The following RYR2 variants were observed in gnomAD, a reference collection of about 807,000 sequenced individuals.
The protein encoded by RYR2 is cardiac muscle ryanodine receptor-calcium release channel.
A neutral mutation model predicts 601.1 loss-of-function variants in RYR2; 227 were observed. The observed-to-expected ratio is 0.38, with a 90% CI of 0.34 to 0.42. The LOEUF is 0.42. Ranked by LOEUF, RYR2 falls within the 10% of genes least tolerant of loss-of-function variation. RYR2 has a pLI of 1.00. For synonymous variants in RYR2, 2,223 were observed against 2,175.1 expected (o/e 1.02, Z -0.61); for missense variants, 4,646 against 6,156.5 (o/e 0.75, Z 8.21).
chr1:237,258,495 G>C (rs1688215437), intron 1 of RYR2, among the ~76,000 whole-genome samples: 1 of 152,136 alleles, frequency 6.6e-6, no homozygotes, highest in Admixed American at 6.6e-5. Flanking sequence ...AACTATGGGG[G>C]ATGGCAAAAT....
At chr1:237,562,214 T>A (rs965275430) in intron 27 of RYR2, among the ~76,000 whole-genome samples, 1 of 152,226 alleles carries the variant, frequency 6.6e-6, no homozygotes, top group Non-Finnish European at 1.5e-5. Context: ...TTATTCTTAT[T>A]TACTACAAGG....
chr1:237,293,821 C>G (rs1692482997), intron 2 of RYR2, among the ~76,000 whole-genome samples: 2 of 152,102 alleles, frequency 1.3e-5, no homozygotes, highest in South Asian at 4.1e-4. Context: ...TGACTCTTAT[C>G]TTTTTGGGTT....
intron 63 of RYR2, among the ~76,000 whole-genome samples, chr1:237,689,472 T>C (rs1686747959): frequency 6.6e-6 from 1 of 152,192 alleles, no homozygotes. Context: ...AAATTCCATT[T>C]TTGTTGAATA....
rs1558206294 is a variant in RYR2, at chr1:237,680,434, GTCT to G, written c.8896-17_8896-15del. 1.2e-6 allele frequency: 2 copies of G among 1,604,232 alleles called. No individual in the cohort carries two copies. The highest frequency in any genetic ancestry group is 1.7e-5 in the Admixed American group (1 of 59,812). On this transcript the variant is annotated intron_variant, in intron 61 of 104. Transcript: ENST00000366574. ...CTGAAAGATTCCACTACGTAGATCT[GTCT>G]TCTTTTCCTTTCTTTCAGGTCGTTC...
At chr1:237,628,799 A>T (rs1424144376) in intron 41 of RYR2, among the ~76,000 whole-genome samples, 6 of 152,130 alleles carry the variant, frequency 3.9e-5, no homozygotes, top group Non-Finnish European at 5.9e-5. Context: ...TTAAAAAAAT[A>T]AAAAAACACA....
intron 4 of RYR2, among the ~76,000 whole-genome samples, chr1:237,358,477 G>C (rs879511898): frequency 7.9e-5 from 12 of 151,966 alleles, no homozygotes; most frequent in Admixed American, 7.9e-4. Context: ...GGGCTTGCCA[G>C]GTTTCTAATG....
intron 1 of RYR2, among the ~76,000 whole-genome samples, chr1:237,082,137 T>C (rs1459814912): frequency 6.6e-6 from 1 of 152,130 alleles, no homozygotes; most frequent in Non-Finnish European, 1.5e-5. Flanking sequence ...CTGACATTAT[T>C]GATCATGTAC....
intron 58 of RYR2, among the ~76,000 whole-genome samples, chr1:237,668,560 C>T (rs1170374347): frequency 3.9e-5 from 6 of 152,208 alleles, no homozygotes; most frequent in Admixed American, 6.5e-5. Context: ...CGCGCATATG[C>T]GCTGTCGTTA....
intron 12 of RYR2, among the ~76,000 whole-genome samples, chr1:237,426,791 C>A (rs1706204999): frequency 6.6e-6 from 1 of 152,132 alleles, no homozygotes; most frequent in African/African-American, 2.4e-5. Context: ...GTGGGAGGAT[C>A]TCTTGAGCTC....
intron 1 of RYR2, among the ~76,000 whole-genome samples, chr1:237,153,221 A>G (rs75490901): frequency 0.016 from 2,441 of 152,268 alleles, 64 homozygotes; most frequent in African/African-American, 0.056. Context: ...CAAAGCGGTG[A>G]AGATTTTGAG....
chr1:237,823,137 A>G (rs1190152686), intron 101 of RYR2, among the ~76,000 whole-genome samples: 1 of 152,186 alleles, frequency 6.6e-6, no homozygotes, highest in Non-Finnish European at 1.5e-5. Flanking sequence ...GAGAAAATTA[A>G]CAAGGATATC....
chr1:237,061,268 C>CATCTATCTATCTATCCATCTAT (rs1553275474), intron 1 of RYR2, among the ~76,000 whole-genome samples: 376 of 88,624 alleles, frequency 4.2e-3, no homozygotes, highest in Middle Eastern at 0.025. Flanking sequence ...ATCTATCTAT[C>CATCTATCTATCTATCCATCTAT]CATCTATCAT....
chr1:237,406,157 T>TCCCTTCCCCTCCCTCCCCTCCCCTC (rs1703852864), intron 10 of RYR2, among the ~76,000 whole-genome samples: 1 of 30,240 alleles, frequency 3.3e-5, no homozygotes. Flanking sequence ...CCCCTCCCCT[T>TCCCTTCCCCTCCCTCCCCTCCCCTC]CCCTTCCCTT....
chr1:237,830,953 G>A (rs61042697), intron 103 of RYR2, among the ~76,000 whole-genome samples: 1 of 152,098 alleles, frequency 6.6e-6, no homozygotes, highest in African/African-American at 2.4e-5. Context: ...AGGGAGATGC[G>A]AGTCTCCGTT....
chr1:237,153,139 G>A (rs1276164826), intron 1 of RYR2, among the ~76,000 whole-genome samples: 1 of 152,212 alleles, frequency 6.6e-6, no homozygotes, highest in African/African-American at 2.4e-5. Flanking sequence ...TTGCATGGGT[G>A]AGAGATAGTG....
At chr1:237,339,139 T>A (rs1210479920) in intron 3 of RYR2, among the ~76,000 whole-genome samples, 1 of 152,148 alleles carries the variant, frequency 6.6e-6, no homozygotes, top group African/African-American at 2.4e-5. Context: ...GTGACCATAC[T>A]TTAAATAGTG....
chr1:237,762,289 C>T (rs544522556), intron 84 of RYR2, among the ~76,000 whole-genome samples: 4 of 152,262 alleles, frequency 2.6e-5, no homozygotes, highest in Non-Finnish European at 5.9e-5. Flanking sequence ...CACTCTAAAC[C>T]GACTTAGGTT....
Position 237,726,272 on chromosome 1 carries a change from G to C in RYR2, c.10690-1G>C. On this transcript the variant is annotated splice_acceptor_variant, in intron 74 of 104. Coordinates refer to ENST00000366574, the MANE Select transcript of RYR2 (RefSeq NM_001035.3). LOFTEE classifies it high-confidence loss of function. ...TAACATAACATTTTTATTTCTTTCA[G>C]AAGTCTAAACGTGTGGGTCGGAGAC... The C allele has an allele frequency of 6.3e-7, 1 of 1,577,598 alleles. No homozygotes were observed. The highest frequency in any genetic ancestry group is 8.7e-7 in the Non-Finnish European group (1 of 1,155,918).
intron 87 of RYR2, 114 bp from the exon 88 acceptor site, chr1:237,778,552 C>T (rs996642294): frequency 2.7e-5 from 13 of 483,638 alleles, no homozygotes; most frequent in Admixed American, 3.5e-5. Context: ...TTTCAGATAA[C>T]GTGCTAGCAG....
Sources: gnomAD v4.1 joint callset for allele counts (sites outside exome capture counted in the v4.1 genomes callset) on GRCh38, gnomAD v4.1.1 for gene constraint, MANE v1.5 for transcripts, NCBI Gene and HGNC (gene_info 2026-07-23, HGNC 2026-07-21) for gene names.